The following KRT17 variants were observed in gnomAD, a reference collection of about 807,000 sequenced individuals.
The protein encoded by KRT17 is keratin, type I cytoskeletal 17.
KRT17 carries 29 observed loss-of-function variants against 45.6 expected under a neutral mutation model. That is an observed-to-expected ratio of 0.64 (90% confidence interval 0.47 to 0.87). The LOEUF (loss-of-function observed/expected upper bound fraction) is 0.87. KRT17 is among the 40% of genes least tolerant of loss of function. KRT17 has a pLI of 0.00. For synonymous variants in KRT17, 219 were observed against 234.6 expected (o/e 0.93, Z 0.61); for missense variants, 536 against 577.8 (o/e 0.93, Z 0.74).
chr17:41,621,544 C>T (rs538055910), intron 4 of KRT17, 49 bp downstream of exon 4: 9 of 1,610,620 alleles, frequency 5.6e-6, no homozygotes, highest in South Asian at 4.4e-5. Flanking sequence ...TGCTAAGGCC[C>T]CTGAGCCCCA....
chr17:41,624,055 C>A, intron 1 of KRT17, 23 bp downstream of exon 1: 5 of 1,611,982 alleles, frequency 3.1e-6, no homozygotes, highest in Non-Finnish European at 4.2e-6. Context: ...CCCCCGGAGA[C>A]CCCTCCCACC....
Position 41,620,771 on chromosome 17 carries a change from G to T in KRT17, c.1069C>A (p.Arg357Ser). The part of the protein sequence containing the change: ...GSVEEQLAQL[R>S]CEMEQQNQEY... ...TGGTTCTGCTGCTCCATCTCGCAGC[G>T]AAGCTGGGCCAGCTGCTCCTCCACG... The change falls in exon 6 of 8, where the codon CGC becomes AGC. Residue 357 changes from arginine (R) to serine (S), a missense_variant. Physicochemically the swap from Arg to Ser is moderately radical, Grantham distance 110 (BLOSUM62 -1). Transcript: ENST00000311208. The T allele has an allele frequency of 1.9e-6, 3 of 1,612,788 alleles. No individual in the cohort carries two copies. The highest frequency in any genetic ancestry group is 2.5e-6 in the Non-Finnish European group (3 of 1,179,864).
intron 4 of KRT17, 127 bp downstream of exon 4, chr17:41,621,466 C>T: frequency 2.6e-6 from 3 of 1,175,880 alleles, no homozygotes; most frequent in Non-Finnish European, 3.8e-6. Flanking sequence ...CAGTGGGTGA[C>T]CCTGTGGTCC....
At position 41,624,446 on chromosome 17, in the gene KRT17, C is replaced by G. The variant is rs1387497386; in HGVS notation, c.64G>C (p.Gly22Arg). The change falls in exon 1 of 8, where the codon GGC (glycine) becomes CGC (arginine). Residue 22 changes from glycine to arginine, a missense_variant. Transcript: ENST00000311208. ...SSIKGSSGLG[G>R]GSSRTSCRLS... ...CGGCAGGAGGTGCGGGACGAGCCGC[C>G]CCCCAGGCCGGAGGAGCCCTTGATG... The G allele has an allele frequency of 6.2e-7, 1 of 1,610,214 alleles. No homozygotes were observed. The highest frequency in any genetic ancestry group is 8.5e-7 in the Non-Finnish European group (1 of 1,179,434).
At chr17:41,620,143 C>T (rs1908487205) in intron 7 of KRT17, 2 of 985,262 alleles carry the variant, frequency 2.0e-6, no homozygotes, top group African/African-American at 3.5e-5. Flanking sequence ...ATTTGGAGGA[C>T]AAGGACCATG....
intron 6 of KRT17, 35 bp from the exon 7 acceptor site, chr17:41,620,593 T>C (rs1908502372): frequency 6.2e-7 from 1 of 1,607,844 alleles, no homozygotes; most frequent in East Asian, 2.2e-5. Context: ...GGAAATTAGA[T>C]GTGGGTCTGA....
chr17:41,624,244 T>C lies in KRT17; in HGVS notation c.266A>G (p.Gln89Arg), dbSNP rs1171786524. The C allele has an allele frequency of 4.3e-6, 7 of 1,612,632 alleles. No homozygotes were observed. The East Asian group carries it at 1.3e-4, about 31-fold the overall frequency. ...GGAGGCCAGGCGGTCATTGAGGTTC[T>C]GCATGGTGGCCTTCTCACCTCCAGC... is the stretch of plus-strand genomic sequence containing the variant. The part of the protein sequence containing the change: ...LLAGGEKATM[Q>R]NLNDRLASYL... Residue 89 changes from glutamine (Q) to arginine (R), a missense_variant, in exon 1 of 8, where the codon CAG becomes CGG. Physicochemically the swap from Gln to Arg is conservative, Grantham distance 43. Coordinates refer to ENST00000311208, the MANE Select transcript of KRT17 (RefSeq NM_000422.3).
rs758314670 is a variant in KRT17, at chr17:41,621,636, G to A, written c.791C>T (p.Ala264Val). The A allele has an allele frequency of 3.1e-6, 5 of 1,612,128 alleles. No homozygotes were observed. The East Asian group carries it at 6.7e-5, about 22-fold the overall frequency. ...NEMRDQYEKM[A>V]EKNRKDAEDW... ...CTCGGCATCCTTGCGGTTCTTCTCT[G>A]CCATCTTCTCATACTGGTCACGCAT... The change falls in exon 4 of 8, where the codon GCA becomes GTA. Residue 264 changes from alanine to valine, a missense_variant. Coordinates refer to ENST00000311208, the MANE Select transcript of KRT17 (RefSeq NM_000422.3).
chr17:41,620,929 C>T (rs1425962800), intron 5 of KRT17, 37 bp downstream of exon 5: 8 of 1,613,942 alleles, frequency 5.0e-6, no homozygotes, highest in Non-Finnish European at 5.9e-6. Flanking sequence ...TCAATGCCCT[C>T]TTCTGGGCCC....
chr17:41,622,773 C>G, intron 2 of KRT17, 177 bp downstream of exon 2: 1 of 718,780 alleles, frequency 1.4e-6, no homozygotes, highest in East Asian at 2.7e-5. Flanking sequence ...GCTCAGCAAC[C>G]TTCAGAACTG....
At position 41,624,295 on chromosome 17, in the gene KRT17, C is replaced by T; in HGVS notation, c.215G>A (p.Ser72Asn). ...SFGSGGGYGS[S>N]FGGVDGLLAG... ...CAGCAGCCCATCAACACCCCCAAAG[C>T]TGCTGCCATAGCCACCACCAGAGCC... The change falls in exon 1 of 8, where the codon AGC becomes AAC. Residue 72 changes from serine (S) to asparagine (N), a missense_variant. Physicochemically the swap from Ser to Asn is conservative, Grantham distance 46 (BLOSUM62 1). Transcript: ENST00000311208. 4.3e-6 allele frequency: 7 copies of T among 1,612,380 alleles called. No individual in the cohort carries two copies. Among genetic ancestry groups the T allele is most frequent in the Non-Finnish European group, 4.2e-6 (5 of 1,179,994 alleles).
chr17:41,622,225 G>T, intron 3 of KRT17, 130 bp downstream of exon 3: 2 of 1,178,372 alleles, frequency 1.7e-6, no homozygotes, highest in Non-Finnish European at 2.5e-6. Flanking sequence ...CTGCAGACAG[G>T]GAAGCCCTCT....
In KRT17 at chr17:41,624,198, G is replaced by A. The variant is rs1455649907; in HGVS notation, c.312C>T (p.Ala104=). The A allele has an allele frequency of 6.2e-7, 1 of 1,612,608 alleles. No individual in the cohort carries two copies. The highest frequency in any genetic ancestry group is 1.3e-5 in the African/African-American group (1 of 74,982). ...CCAGCTCAGTGTTGGCCTCCTCCAG[G>A]GCACGCACCTTGTCCAGGTAGGAGG... ...RLASYLDKVR[A]LEEANTELEV... Residue 104 remains alanine (A), a synonymous_variant, in exon 1 of 8, where the codon GCC becomes GCT. Coordinates refer to ENST00000311208, the MANE Select transcript of KRT17 (RefSeq NM_000422.3).
At chr17:41,620,062 A>C (rs764305750) in intron 7 of KRT17, 1 of 985,140 alleles carries the variant, frequency 1.0e-6, no homozygotes, top group Non-Finnish European at 1.2e-6. Flanking sequence ...CAAGACAAAA[A>C]CCAGGCCCCT....
At chr17:41,620,447 G>T (rs1434544346) in intron 7 of KRT17, 89 bp downstream of exon 7, 2 of 1,610,344 alleles carry the variant, frequency 1.2e-6, no homozygotes, top group Non-Finnish European at 1.7e-6. Flanking sequence ...AACTCCTGGA[G>T]CTCCTGGGGA....
rs748554846 is a variant in KRT17, at chr17:41,620,744, C to G, written c.1096G>C (p.Glu366Gln). The G allele has an allele frequency of 6.2e-7, 1 of 1,612,458 alleles. No individual in the cohort carries two copies. The highest frequency in any genetic ancestry group is 1.1e-5 in the South Asian group (1 of 90,998). Residue 366 changes from glutamate (E) to glutamine (Q), a missense_variant, in exon 6 of 8, where the codon GAA (glutamate) becomes CAA (glutamine). Glu to Gln is a conservative substitution (Grantham distance 29). Transcript: ENST00000311208. ...TTCACATCCAGCAGGATTTTGTATTCCTGGTTCTGCTGCTCCATCTCGCAG... is the reference window on the plus strand; with the variant it reads ...TTCACATCCAGCAGGATTTTGTATTGCTGGTTCTGCTGCTCCATCTCGCAG... The part of the protein sequence containing the change: ...LRCEMEQQNQ[E>Q]YKILLDVKTR...
chr17:41,624,289 C>G lies in KRT17; in HGVS notation c.221G>C (p.Gly74Ala). 6.2e-7 allele frequency: 1 copy of G among 1,612,440 alleles called. No homozygotes were observed. Among genetic ancestry groups the G allele is most frequent in the Middle Eastern group, 2.1e-4 (1 of 4,652 alleles). Residue 74 changes from glycine (G) to alanine (A), a missense_variant, in exon 1 of 8, where the codon GGG (glycine) becomes GCG (alanine). Transcript: ENST00000311208. Reference protein sequence around the residue: ...GSGGGYGSSFGGVDGLLAGGE... With the variant: ...GSGGGYGSSFAGVDGLLAGGE... ...TCCAGCCAGCAGCCCATCAACACCC[C>G]CAAAGCTGCTGCCATAGCCACCACC... is the stretch of plus-strand genomic sequence containing the variant.
chr17:41,621,183 C>G (rs1440603853), intron 4 of KRT17, 92 bp from the exon 5 acceptor site: 2 of 1,501,012 alleles, frequency 1.3e-6, no homozygotes, highest in Non-Finnish European at 1.8e-6. Context: ...GAGAGTGTGC[C>G]TTCTCACCAG....
intron 7 of KRT17, chr17:41,620,147 G>A (rs1227293991): frequency 7.1e-6 from 7 of 985,210 alleles, no homozygotes; most frequent in Non-Finnish European, 8.4e-6. Flanking sequence ...GGAGGACAAG[G>A]ACCATGTCCC....
Sources: allele counts gnomAD v4.1 joint callset, GRCh38; gene constraint gnomAD v4.1.1; transcripts MANE v1.5; gene names NCBI Gene and HGNC (gene_info 2026-07-23, HGNC 2026-07-21).